The following ABCC11 variants were observed in gnomAD, a reference collection of about 807,000 sequenced individuals.
The protein encoded by ABCC11 is ATP-binding cassette sub-family C member 11.
In ABCC11, 135 loss-of-function variants were observed where a neutral mutation model predicts 149.3. The ratio of observed to expected loss-of-function variants is 0.90; its 90% confidence interval spans 0.79 to 1.04. The LOEUF (loss-of-function observed/expected upper bound fraction) is 1.04, where lower values mean the gene tolerates loss of function less well. Among genes scored for constraint, ABCC11 ranks in the 50% least tolerant of loss-of-function variants. The probability of loss-of-function intolerance (pLI) is 0.00; values close to 1 mark genes in which losing one functional copy is unlikely to be tolerated. For missense variants in ABCC11, 1,680 were observed against 1,722.1 expected (o/e 0.98, Z 0.43); for synonymous variants, 665 against 671.4 (o/e 0.99, Z 0.15).
chr16:48,195,761 G>T (rs149502423), intron 18 of ABCC11, among the ~76,000 whole-genome samples: 1 of 152,232 alleles, frequency 6.6e-6, no homozygotes, highest in Non-Finnish European at 1.5e-5. Flanking sequence ...CGATGTGGCC[G>T]CTATTTTCTC....
chr16:48,197,218 G>C (rs1248839115), intron 17 of ABCC11, among the ~76,000 whole-genome samples: 2 of 152,130 alleles, frequency 1.3e-5, no homozygotes, highest in Non-Finnish European at 2.9e-5. Context: ...TAGCTACTTG[G>C]GAGGCTGAGG....
At chr16:48,213,321 T>C in intron 10 of ABCC11, 122 bp downstream of exon 10, 1 of 771,188 alleles carries the variant, frequency 1.3e-6, no homozygotes, top group Admixed American at 2.9e-5. Flanking sequence ...GTCACTGAGT[T>C]AGCTAATCCC....
intron 22 of ABCC11, 39 bp from the exon 23 acceptor site, chr16:48,184,665 C>G (rs535355100): frequency 6.3e-7 from 1 of 1,597,606 alleles, no homozygotes; most frequent in Admixed American, 1.7e-5. Flanking sequence ...ATGTGTTTGT[C>G]TGACCTAGGG....
rs536215297 is a variant in ABCC11 at position 48,167,115 on chromosome 16, G to T, written c.*159C>A. ...AGAGCCATCAAGTAGCCTATTCCAGGGTTTCCATCCAGCAATCCCCACCCC... is the reference window on the plus strand; with the variant it reads ...AGAGCCATCAAGTAGCCTATTCCAGTGTTTCCATCCAGCAATCCCCACCCC... On this transcript the variant is annotated 3_prime_UTR_variant, in exon 30 of 30. Transcript: ENST00000356608. 9.6e-6 allele frequency: 6 copies of T among 625,306 alleles called. No individual in the cohort carries two copies. The highest frequency in any genetic ancestry group is 7.4e-5 in the South Asian group (4 of 54,300). The allele number at this position is 625,306 out of a possible 1,614,324, so 38.7% of individuals were successfully genotyped here. A position where few individuals can be genotyped will look rare whatever the true frequency, so the allele number is the denominator to read the frequency against.
At chr16:48,176,715 A>G (rs1461384742) in intron 25 of ABCC11, among the ~76,000 whole-genome samples, 1 of 152,100 alleles carries the variant, frequency 6.6e-6, no homozygotes, top group African/African-American at 2.4e-5. Flanking sequence ...TTGCTGGTCT[A>G]TTTAACATCC....
At chr16:48,218,244 T>C (rs1325708876) in intron 6 of ABCC11, among the ~76,000 whole-genome samples, 4 of 152,154 alleles carry the variant, frequency 2.6e-5, no homozygotes, top group Admixed American at 2.6e-4. Flanking sequence ...TGCAGTGAGC[T>C]ATGGTGGCAC....
At chr16:48,242,705 A>G (rs1971036611) in intron 1 of ABCC11, among the ~76,000 whole-genome samples, 1 of 152,242 alleles carries the variant, frequency 6.6e-6, no homozygotes, top group Non-Finnish European at 1.5e-5. Flanking sequence ...ACCATGGAAT[A>G]CTATGCAGCC....
At chr16:48,235,823 A>G (rs1445493584) in intron 1 of ABCC11, among the ~76,000 whole-genome samples, 1 of 152,246 alleles carries the variant, frequency 6.6e-6, no homozygotes, top group Non-Finnish European at 1.5e-5. Context: ...CCCCAGAGGC[A>G]AAGGTCAGGA....
chr16:48,192,682 T>C lies in ABCC11; in HGVS notation c.2544A>G (p.Ala848=). The C allele has an allele frequency of 6.2e-7, 1 of 1,614,242 alleles. No individual in the cohort carries two copies. Among genetic ancestry groups the C allele is most frequent in the Non-Finnish European group, 8.5e-7 (1 of 1,180,038 alleles). The change falls in exon 20 of 30, where the codon GCA becomes GCG. Residue 848 remains alanine (A), a synonymous_variant. Transcript: ENST00000356608. ...NSSRESNGTM[A]DLGNIADNPQ... ...GATTGTCTGCAATGTTGCCCAGGTC[T>C]GCCATGGTTCCATTGCTCTCTCGGC... is the stretch of plus-strand genomic sequence containing the variant.
At chr16:48,201,474 C>CTTTTTTTTTTT (rs560323114) in intron 14 of ABCC11, among the ~76,000 whole-genome samples, 4 of 123,458 alleles carry the variant, frequency 3.2e-5, no homozygotes, top group Admixed American at 8.9e-5. Context: ...TTTTCTTTTT[C>CTTTTTTTTTTT]TTTTTTTTTT....
At chr16:48,217,658 A>G (rs1013141519) in intron 6 of ABCC11, among the ~76,000 whole-genome samples, 5 of 152,226 alleles carry the variant, frequency 3.3e-5, no homozygotes, top group African/African-American at 1.2e-4. Context: ...AGAACAATTC[A>G]CTAATGTTTT....
intron 20 of ABCC11, among the ~76,000 whole-genome samples, chr16:48,191,767 G>T (rs917469388): frequency 6.6e-6 from 1 of 152,022 alleles, no homozygotes; most frequent in Middle Eastern, 3.4e-3. Context: ...CTCATAGGTG[G>T]GAAATGAACA....
chr16:48,170,045 G>T, intron 28 of ABCC11, 60 bp downstream of exon 28: 2 of 1,425,688 alleles, frequency 1.4e-6, no homozygotes, highest in Non-Finnish European at 2.0e-6. Context: ...AGCCGGTGTG[G>T]CTTCCCTCAT....
intron 1 of ABCC11, among the ~76,000 whole-genome samples, chr16:48,243,862 G>A (rs926746038): frequency 2.0e-5 from 3 of 151,976 alleles, no homozygotes; most frequent in Admixed American, 6.6e-5. Context: ...TGTGGTGGCG[G>A]GCATCTGTAA....
rs768645355 is a variant in ABCC11, at chr16:48,177,079, C to A, written c.3383G>T (p.Gly1128Val). Residue 1128 changes from glycine (G) to valine (V), a missense_variant, in exon 25 of 30, where the codon GGC (glycine) becomes GTC (valine). Coordinates refer to ENST00000356608, the MANE Select transcript of ABCC11 (RefSeq NM_001370497.1). ...CVSEAPLHME[G>V]TSCPQGWPQH... The stretch of plus-strand genomic sequence containing the variant: ...TGGCCACCCCTGGGGACAACTTGTG[C>A]CTTCCATGTGTAAAGGAGCTTCCGA... 4.3e-6 allele frequency: 7 copies of A among 1,613,826 alleles called. No individual in the cohort carries two copies. In the East Asian group the frequency reaches 8.9e-5, roughly 21 times the overall value.
intron 20 of ABCC11, among the ~76,000 whole-genome samples, chr16:48,191,221 C>T (rs543898540): frequency 3.9e-5 from 6 of 152,078 alleles, no homozygotes; most frequent in African/African-American, 7.2e-5. Context: ...AAATGTCCCA[C>T]GTTAATGCAA....
chr16:48,216,170 T>C lies in ABCC11; in HGVS notation c.895A>G (p.Ile299Val), dbSNP rs749417574. The C allele has an allele frequency of 6.2e-7, 1 of 1,614,132 alleles. No homozygotes were observed. The highest frequency in any genetic ancestry group is 8.5e-7 in the Non-Finnish European group (1 of 1,180,012). The change falls in exon 7 of 30, where the codon ATT becomes GTT. Residue 299 changes from isoleucine (I) to valine (V), a missense_variant. Ile to Val is a conservative substitution (Grantham distance 29). Coordinates refer to ENST00000356608, the MANE Select transcript of ABCC11 (RefSeq NM_001370497.1). Reference protein sequence around the residue: ...VICSISSYFIIGYTAFIAILC... With the variant: ...VICSISSYFIVGYTAFIAILC... Reference sequence around the variant, plus strand: ...ATGGCAATAAATGCAGTGTATCCAATAATGAAGTAGGAAGAAATGCTGCAG... The same window carrying C: ...ATGGCAATAAATGCAGTGTATCCAACAATGAAGTAGGAAGAAATGCTGCAG...
At chr16:48,233,222 A>G (rs1485579424) in intron 1 of ABCC11, among the ~76,000 whole-genome samples, 6 of 152,170 alleles carry the variant, frequency 3.9e-5, no homozygotes, top group Non-Finnish European at 8.8e-5. Context: ...CAAAACAAAC[A>G]TTCAAATATT....
intron 20 of ABCC11, among the ~76,000 whole-genome samples, chr16:48,188,226 C>G (rs1966842325): frequency 6.6e-6 from 1 of 152,258 alleles, no homozygotes; most frequent in Non-Finnish European, 1.5e-5. Context: ...AGAACTGCAA[C>G]AGTGACACTT....
Sources: gnomAD v4.1 joint callset for allele counts (sites outside exome capture counted in the v4.1 genomes callset) on GRCh38, gnomAD v4.1.1 for gene constraint, MANE v1.5 for transcripts, NCBI Gene and HGNC (gene_info 2026-07-23, HGNC 2026-07-21) for gene names.